Variants in CSMD1 observed in about 807,000 individuals in gnomAD.
The protein encoded by CSMD1 is CUB and Sushi multiple domains 1.
A neutral mutation model predicts 417.5 loss-of-function variants in CSMD1; 213 were observed. The ratio of observed to expected loss-of-function variants is 0.51; its 90% confidence interval spans 0.46 to 0.57. The LOEUF (loss-of-function observed/expected upper bound fraction) is 0.57, where lower values mean the gene tolerates loss of function less well. CSMD1 is among the 20% of genes least tolerant of loss of function. The pLI is 0.00. For missense variants in CSMD1, 6,923 were observed against 4,529.7 expected, an observed-to-expected ratio of 1.53 and a Z score of -15.17; for synonymous variants, 2,862 against 1,736.8, an observed-to-expected ratio of 1.65 and a Z score of -16.11.
chr8:3,083,753 G>T (rs1481139820), intron 49 of CSMD1, among the ~76,000 whole-genome samples: 2 of 142,824 alleles, frequency 1.4e-5, no homozygotes, highest in South Asian at 4.6e-4. Context: ...CCTCCTGCCT[G>T]GGCTCAAGTC....
chr8:4,108,687 C>T (rs77573171), intron 3 of CSMD1, among the ~76,000 whole-genome samples: 66 of 152,224 alleles, frequency 4.3e-4, no homozygotes, highest in Admixed American at 1.3e-3. Context: ...CCTTTTAGAA[C>T]AGTTAAGCAG....
At chr8:4,530,162 C>G (rs1796728040) in intron 2 of CSMD1, among the ~76,000 whole-genome samples, 1 of 151,872 alleles carries the variant, frequency 6.6e-6, no homozygotes, top group Admixed American at 6.6e-5. Flanking sequence ...ATCTGCCCAC[C>G]TCAGCCTCCC....
intron 21 of CSMD1, among the ~76,000 whole-genome samples, chr8:3,350,268 C>A (rs1390817691): frequency 7.0e-6 from 1 of 143,734 alleles, no homozygotes; most frequent in Non-Finnish European, 1.5e-5. Flanking sequence ...CTATAATAAC[C>A]TATAATAACT....
chr8:3,517,310 C>T (rs145096790), intron 10 of CSMD1, among the ~76,000 whole-genome samples: 1 of 152,098 alleles, frequency 6.6e-6, no homozygotes, highest in Non-Finnish European at 1.5e-5. Context: ...AGAGGGCTGG[C>T]AGAGAACAGG....
chr8:4,794,105 T>G (rs1271115793), intron 1 of CSMD1, among the ~76,000 whole-genome samples: 1 of 152,204 alleles, frequency 6.6e-6, no homozygotes, highest in African/African-American at 2.4e-5. Context: ...ATAAGTCAGA[T>G]AAGTACTGTT....
chr8:3,281,535 G>C (rs948170872), intron 26 of CSMD1, among the ~76,000 whole-genome samples: 1 of 152,160 alleles, frequency 6.6e-6, no homozygotes, highest in Non-Finnish European at 1.5e-5. Context: ...GCCATGAAAA[G>C]ACCTGGAGCT....
intron 7 of CSMD1, among the ~76,000 whole-genome samples, chr8:3,628,608 G>A (rs562627086): frequency 2.0e-4 from 30 of 152,294 alleles, no homozygotes; most frequent in East Asian, 1.2e-3. Context: ...GGGGGAGGAA[G>A]AGGGAGTGTC....
chr8:4,030,728 T>C (rs112178198), intron 4 of CSMD1, among the ~76,000 whole-genome samples: 1,601 of 152,246 alleles, frequency 0.011, 33 homozygotes, highest in East Asian at 0.064. Flanking sequence ...CCTTGGAAAA[T>C]GGGATTTTCT....
At chr8:3,875,215 GCCA>G (rs2129116279) in intron 5 of CSMD1, among the ~76,000 whole-genome samples, 1 of 152,250 alleles carries the variant, frequency 6.6e-6, no homozygotes, top group South Asian at 2.1e-4. Context: ...CCATTCGGGA[GCCA>G]CCACAATGGT....
intron 4 of CSMD1, among the ~76,000 whole-genome samples, chr8:4,001,692 T>C (rs1815685339): frequency 6.6e-6 from 1 of 152,180 alleles, no homozygotes; most frequent in African/African-American, 2.4e-5. Flanking sequence ...CGTTGATGAA[T>C]GAGTGGATCA....
intron 1 of CSMD1, among the ~76,000 whole-genome samples, chr8:4,931,435 T>A (rs1462127119): frequency 6.6e-6 from 1 of 152,170 alleles, no homozygotes; most frequent in Non-Finnish European, 1.5e-5. Flanking sequence ...TACCTTTAGT[T>A]GCCAATTTCA....
intron 3 of CSMD1, among the ~76,000 whole-genome samples, chr8:4,278,831 T>C (rs1038736475): frequency 6.6e-6 from 1 of 152,170 alleles, no homozygotes; most frequent in African/African-American, 2.4e-5. Context: ...GGAGTATTTA[T>C]AGGAAAAACA....
chr8:4,923,237 A>C (rs1301381197), intron 1 of CSMD1, among the ~76,000 whole-genome samples: 1 of 152,148 alleles, frequency 6.6e-6, no homozygotes, highest in African/African-American at 2.4e-5. Flanking sequence ...CCATTCATTA[A>C]ACAGCTGTCC....
At chr8:3,247,369 G>C (rs1407845893) in intron 26 of CSMD1, among the ~76,000 whole-genome samples, 1 of 152,024 alleles carries the variant, frequency 6.6e-6, no homozygotes, top group Non-Finnish European at 1.5e-5. Context: ...CTCCTGAACC[G>C]CTAGCAGTGA....
chr8:3,583,482 G>T (rs748177537), intron 9 of CSMD1, among the ~76,000 whole-genome samples: 3 of 152,036 alleles, frequency 2.0e-5, no homozygotes, highest in African/African-American at 7.2e-5. Flanking sequence ...AAGCTTAGCA[G>T]AAGTGGTTCT....
At chr8:4,306,742 C>T (rs183757386) in intron 3 of CSMD1, among the ~76,000 whole-genome samples, 15 of 152,184 alleles carry the variant, frequency 9.9e-5, no homozygotes, top group Admixed American at 2.0e-4. Flanking sequence ...AGTGCCCGAC[C>T]GCAGCAGGGT....
chr8:4,443,946 CGT>C (rs1475227222), intron 2 of CSMD1, among the ~76,000 whole-genome samples: 4 of 152,010 alleles, frequency 2.6e-5, no homozygotes, highest in Non-Finnish European at 5.9e-5. Context: ...TGCATATATT[CGT>C]GTGTGATATA....
chr8:3,975,753 CATGTCCAAGTCTTCA>C (rs1185253652), intron 5 of CSMD1, among the ~76,000 whole-genome samples: 3 of 152,150 alleles, frequency 2.0e-5, no homozygotes, highest in Non-Finnish European at 2.9e-5. Context: ...CAGAAAATGT[CATGTCCAAGTCTTCA>C]AAAGATTTCT....
rs117908872 is a variant in CSMD1 at position 3,833,481 on chromosome 8, C to G, written c.819-79439G>C. ...CATTTATTAATGCTATCTTATTTTC[C>G]TACTATAACAAAGCCCTTTCCTCAT... On this transcript the variant is annotated intron_variant, in intron 5 of 69. Coordinates refer to ENST00000635120, the MANE Select transcript of CSMD1 (RefSeq NM_033225.6). Among the ~76,000 whole-genome samples the G allele has an allele frequency of 2.2e-3, 333 of 151,972 alleles. 2 individuals carry two copies. Among genetic ancestry groups the G allele is most frequent in the Non-Finnish European group, 4.1e-3 (278 of 67,952 alleles).
Sources: allele counts gnomAD v4.1 joint callset (sites outside exome capture counted in the v4.1 genomes callset), GRCh38; gene constraint gnomAD v4.1.1; transcripts MANE v1.5; gene names NCBI Gene and HGNC (gene_info 2026-07-23, HGNC 2026-07-21).